EYA4: variants seen among roughly 807,000 people sequenced by gnomAD.
EYA4 encodes protein phosphatase EYA4.
A neutral mutation model predicts 87.9 loss-of-function variants in EYA4; 31 were observed. The observed-to-expected ratio is 0.35, with a 90% CI of 0.27 to 0.48. EYA4 has a LOEUF of 0.48. Ranked by LOEUF, EYA4 falls within the 20% of genes least tolerant of loss-of-function variation. The probability of loss-of-function intolerance (pLI) is 0.99; values close to 1 mark genes in which losing one functional copy is unlikely to be tolerated. For missense variants in EYA4, 678 were observed against 761.4 expected, an observed-to-expected ratio of 0.89 and a Z score of 1.29; for synonymous variants, 263 against 270.6, an observed-to-expected ratio of 0.97 and a Z score of 0.28.
chr6:133,391,304 A>G (rs1374381492), intron 3 of EYA4, among the ~76,000 whole-genome samples: 2 of 146,314 alleles, frequency 1.4e-5, no homozygotes, highest in Admixed American at 7.2e-5. Flanking sequence ...ATCTTGGCTC[A>G]CCACAACCTC....
intron 11 of EYA4, among the ~76,000 whole-genome samples, chr6:133,477,400 A>G (rs1057326724): frequency 6.6e-6 from 1 of 151,906 alleles, no homozygotes; most frequent in Non-Finnish European, 1.5e-5. Context: ...ACCTGTTGTC[A>G]TTTTTATGTC....
At chr6:133,256,530 A>G (rs958676740) in intron 1 of EYA4, among the ~76,000 whole-genome samples, 1 of 152,128 alleles carries the variant, frequency 6.6e-6, no homozygotes, top group Non-Finnish European at 1.5e-5. Flanking sequence ...GATGAAAGGT[A>G]TAGACATTGT....
chr6:133,439,876 C>T (rs1792096864), intron 3 of EYA4, among the ~76,000 whole-genome samples: 1 of 152,184 alleles, frequency 6.6e-6, no homozygotes, highest in South Asian at 2.1e-4. Context: ...AACACAGGTA[C>T]TCTAATAAGT....
At chr6:133,511,897 C>T (rs552172456) in intron 14 of EYA4, among the ~76,000 whole-genome samples, 3 of 151,844 alleles carry the variant, frequency 2.0e-5, no homozygotes, top group Admixed American at 6.6e-5. Flanking sequence ...AGGAGAATGG[C>T]GTGAACCCAG....
chr6:133,377,481 C>CATT (rs1309932796), intron 2 of EYA4, among the ~76,000 whole-genome samples: 1 of 150,890 alleles, frequency 6.6e-6, no homozygotes, highest in Non-Finnish European at 1.5e-5. Flanking sequence ...ATATCTCAGG[C>CATT]ATTCAGTAAA....
chr6:133,440,786 G>A (rs981897980), intron 3 of EYA4, among the ~76,000 whole-genome samples: 12 of 152,204 alleles, frequency 7.9e-5, no homozygotes, highest in Non-Finnish European at 1.2e-4. Context: ...AAGCTGAATG[G>A]AGAGTTGTGA....
chr6:133,360,746 T>A (rs1433299378), intron 2 of EYA4: 1 of 152,194 alleles, frequency 6.6e-6, no homozygotes, highest in Non-Finnish European at 1.5e-5. Flanking sequence ...AGCTTTCCTC[T>A]ACACCTTCCT....
intron 6 of EYA4, among the ~76,000 whole-genome samples, chr6:133,458,540 C>T (rs551410298): frequency 1.3e-5 from 2 of 152,070 alleles, no homozygotes; most frequent in Non-Finnish European, 2.9e-5. Context: ...CTGTTAAAGA[C>T]TTGGGCTAAT....
intron 3 of EYA4, among the ~76,000 whole-genome samples, chr6:133,383,346 C>T (rs368116173): frequency 1.3e-5 from 2 of 151,986 alleles, no homozygotes. Context: ...GAAACCCCAT[C>T]TCTACAAAAA....
chr6:133,376,144 A>G (rs1192748213), intron 2 of EYA4, among the ~76,000 whole-genome samples: 1 of 151,830 alleles, frequency 6.6e-6, no homozygotes, highest in East Asian at 1.9e-4. Flanking sequence ...GCATGCAATA[A>G]TCTGTAATAT....
At chr6:133,306,379 G>A (rs1193320875) in intron 2 of EYA4, among the ~76,000 whole-genome samples, 2 of 152,172 alleles carry the variant, frequency 1.3e-5, no homozygotes, top group African/African-American at 4.8e-5. Flanking sequence ...CTGGGGTTCT[G>A]ATAGGTAGAA....
At chr6:133,353,432 C>G (rs1453226272) in intron 2 of EYA4, among the ~76,000 whole-genome samples, 1 of 152,110 alleles carries the variant, frequency 6.6e-6, no homozygotes, top group Non-Finnish European at 1.5e-5. Flanking sequence ...AAATGTCAAA[C>G]CAAATTCTGG....
chr6:133,288,520 A>G (rs900348547), intron 2 of EYA4, among the ~76,000 whole-genome samples: 2 of 152,086 alleles, frequency 1.3e-5, no homozygotes, highest in Non-Finnish European at 2.9e-5. Context: ...AAAGAGAAAG[A>G]TGTGTTTGAA....
intron 3 of EYA4, among the ~76,000 whole-genome samples, chr6:133,438,416 G>A (rs566718790): frequency 1.1e-4 from 16 of 146,866 alleles, no homozygotes; most frequent in Non-Finnish European, 1.9e-4. Flanking sequence ...CTTGTATGTC[G>A]TCCAGATTGG....
chr6:133,348,463 C>T (rs1783386882), intron 2 of EYA4, among the ~76,000 whole-genome samples: 1 of 151,758 alleles, frequency 6.6e-6, no homozygotes, highest in African/African-American at 2.4e-5. Flanking sequence ...GACGGGGTTT[C>T]ACCATATCGG....
At chr6:133,336,777 A>G (rs897502789) in intron 2 of EYA4, among the ~76,000 whole-genome samples, 5 of 152,234 alleles carry the variant, frequency 3.3e-5, no homozygotes, top group African/African-American at 9.6e-5. Flanking sequence ...TATAAGGTAC[A>G]GATAAGATAC....
At chr6:133,331,734 T>C (rs1304376308) in intron 2 of EYA4, among the ~76,000 whole-genome samples, 3 of 152,226 alleles carry the variant, frequency 2.0e-5, no homozygotes, top group Non-Finnish European at 1.5e-5. Flanking sequence ...TACCTTCAGA[T>C]TTGGATTCCA....
intron 2 of EYA4, among the ~76,000 whole-genome samples, chr6:133,371,694 C>T (rs1785280183): frequency 6.6e-6 from 1 of 152,096 alleles, no homozygotes; most frequent in African/African-American, 2.4e-5. Flanking sequence ...TGTAGCAACC[C>T]TGTAGAGGGA....
intron 2 of EYA4, 111 bp from the exon 3 acceptor site, chr6:133,382,281 G>T (rs1278328792): frequency 7.5e-6 from 6 of 795,978 alleles, no homozygotes; most frequent in Admixed American, 1.7e-5. Context: ...AGTGTGGGGG[G>T]TATTTTATAG....
Sources: allele counts gnomAD v4.1 joint callset (sites outside exome capture counted in the v4.1 genomes callset), GRCh38; gene constraint gnomAD v4.1.1; transcripts MANE v1.5; gene names NCBI Gene and HGNC (gene_info 2026-07-23, HGNC 2026-07-21).